DRAM1: variants seen among roughly 807,000 people sequenced by gnomAD.
DRAM1 encodes the protein DNA damage-regulated autophagy modulator protein 1.
Under a neutral mutation model 28.5 loss-of-function variants are expected in DRAM1, and 25 were observed. That is an observed-to-expected ratio of 0.88 (90% CI 0.64 to 1.23). The LOEUF (loss-of-function observed/expected upper bound fraction) is 1.23, where lower values mean the gene tolerates loss of function less well. Among genes scored for constraint, DRAM1 ranks in the 50% most tolerant of loss-of-function variants. The pLI, the probability that DRAM1 is intolerant of heterozygous loss-of-function variation, is 0.00. For synonymous variants in DRAM1, 113 were observed against 114.2 expected (o/e 0.99, Z 0.07); for missense variants, 249 against 299.2 (o/e 0.83, Z 1.24).
At chr12:101,891,821 G>A (rs1387824595) in intron 1 of DRAM1, among the ~76,000 whole-genome samples, 1 of 152,232 alleles carries the variant, frequency 6.6e-6, no homozygotes, top group Non-Finnish European at 1.5e-5. Flanking sequence ...GTGTGGTGCA[G>A]AATGATGTGG....
At chr12:101,900,447 A>C (rs2121096084) in intron 2 of DRAM1, among the ~76,000 whole-genome samples, 1 of 152,360 alleles carries the variant, frequency 6.6e-6, no homozygotes, top group East Asian at 1.9e-4. Context: ...ATAGCAGATA[A>C]TAGACTAATG....
intron 1 of DRAM1, among the ~76,000 whole-genome samples, chr12:101,896,518 C>CTTTCG (rs1229831251): frequency 6.6e-6 from 1 of 152,086 alleles, no homozygotes; most frequent in East Asian, 1.9e-4. Context: ...AATCCCAGCA[C>CTTTCG]TTTCGGAGGT....
At chr12:101,890,752 T>A (rs1489834677) in intron 1 of DRAM1, among the ~76,000 whole-genome samples, 1 of 20,908 alleles carries the variant, frequency 4.8e-5, no homozygotes, top group African/African-American at 1.2e-3. Flanking sequence ...CCATTCTATT[T>A]TTTTTTTTTT....
chr12:101,893,083 A>C (rs140009893), intron 1 of DRAM1, among the ~76,000 whole-genome samples: 1 of 152,236 alleles, frequency 6.6e-6, no homozygotes, highest in African/African-American at 2.4e-5. Context: ...TTACCATGGC[A>C]GTATTTGGCA....
chr12:101,878,992 T>A (rs956738031), intron 1 of DRAM1, among the ~76,000 whole-genome samples: 30 of 131,132 alleles, frequency 2.3e-4, no homozygotes, highest in Middle Eastern at 7.9e-3. Context: ...TAGCATTTTT[T>A]AAAATTTTTT....
intron 1 of DRAM1, among the ~76,000 whole-genome samples, chr12:101,890,812 G>A (rs140817887): frequency 0.036 from 5,348 of 147,530 alleles, 298 homozygotes; most frequent in East Asian, 0.23. Flanking sequence ...GTGCAATGGC[G>A]TGATCTCAGC....
chr12:101,910,302 G>A (rs1208208914), intron 4 of DRAM1, among the ~76,000 whole-genome samples: 1 of 152,082 alleles, frequency 6.6e-6, no homozygotes, highest in Non-Finnish European at 1.5e-5. Context: ...TCTTGTGTTA[G>A]TTGTAAAATT....
chr12:101,901,262 AC>A (rs111348577), intron 2 of DRAM1, 28 bp from the exon 3 acceptor site: 35,353 of 1,600,356 alleles, frequency 0.022, 2,119 homozygotes, highest in African/African-American at 0.21. Flanking sequence ...CAAATTATGA[AC>A]ATTCATCAAA....
At chr12:101,890,867 C>T (rs1006941967) in intron 1 of DRAM1, among the ~76,000 whole-genome samples, 2 of 151,806 alleles carry the variant, frequency 1.3e-5, no homozygotes, top group African/African-American at 2.4e-5. Context: ...TCTCCTGCCT[C>T]AGCCTTCCGA....
intron 5 of DRAM1, among the ~76,000 whole-genome samples, chr12:101,919,606 T>C (rs534581925): frequency 1.3e-5 from 2 of 152,308 alleles, no homozygotes; most frequent in Non-Finnish European, 2.9e-5. Flanking sequence ...AGCAGAACTA[T>C]TTCCTGAATG....
intron 1 of DRAM1, among the ~76,000 whole-genome samples, chr12:101,894,611 C>T (rs1873278012): frequency 6.6e-6 from 1 of 152,106 alleles, no homozygotes; most frequent in African/African-American, 2.4e-5. Context: ...CCTGGAATTC[C>T]AAGTTTTCAG....
At chr12:101,893,496 A>G (rs572239901) in intron 1 of DRAM1, among the ~76,000 whole-genome samples, 1 of 152,202 alleles carries the variant, frequency 6.6e-6, no homozygotes, top group African/African-American at 2.4e-5. Flanking sequence ...TCATTCTCCT[A>G]ATGGCTTAGT....
At chr12:101,905,254 C>T (rs1873759304) in intron 3 of DRAM1, among the ~76,000 whole-genome samples, 2 of 151,976 alleles carry the variant, frequency 1.3e-5, no homozygotes, top group African/African-American at 4.8e-5. Context: ...TGTTAGGAAT[C>T]TTATTTATTT....
intron 5 of DRAM1, among the ~76,000 whole-genome samples, chr12:101,915,853 C>T (rs1229521207): frequency 6.6e-6 from 1 of 152,154 alleles, no homozygotes; most frequent in Non-Finnish European, 1.5e-5. Flanking sequence ...AACCACCACG[C>T]CCAACCTGCA....
At position 101,921,514 on chromosome 12, in the gene DRAM1, A is replaced by T; in HGVS notation, c.*254A>T. The T allele has an allele frequency of 3.2e-6, 1 of 315,504 alleles. No homozygotes were observed. Among genetic ancestry groups the T allele is most frequent in the Non-Finnish European group, 5.7e-6 (1 of 174,496 alleles). The allele number at this position is 315,504 out of a possible 1,614,324, so 19.5% of individuals were successfully genotyped here. ...GATTTTTTTATATTAACAAATTCATATACAGAAAAAATAAGGTGTTACAAA... is the reference window on the plus strand; with the variant it reads ...GATTTTTTTATATTAACAAATTCATTTACAGAAAAAATAAGGTGTTACAAA... On this transcript the variant is annotated 3_prime_UTR_variant, in exon 7 of 7. Transcript: ENST00000258534.
chr12:101,918,200 A>G (rs1000138272), intron 5 of DRAM1, among the ~76,000 whole-genome samples: 3 of 152,224 alleles, frequency 2.0e-5, no homozygotes, highest in South Asian at 4.1e-4. Flanking sequence ...GCACATTTAT[A>G]TGCAGTGACT....
chr12:101,893,261 C>T (rs7963518), intron 1 of DRAM1, among the ~76,000 whole-genome samples: 98,003 of 151,746 alleles, frequency 0.65, 32,956 homozygotes, highest in East Asian at 0.91. Context: ...GACTGTGTGC[C>T]TCTCTTCCAA....
chr12:101,878,748 G>C (rs1369586272), intron 1 of DRAM1, among the ~76,000 whole-genome samples: 1 of 152,166 alleles, frequency 6.6e-6, no homozygotes, highest in Non-Finnish European at 1.5e-5. Flanking sequence ...CCTTATCTAA[G>C]TAGTGTGACC....
chr12:101,915,461 A>T (rs1001074907), intron 5 of DRAM1, among the ~76,000 whole-genome samples: 14 of 152,046 alleles, frequency 9.2e-5, no homozygotes, highest in Admixed American at 9.2e-4. Flanking sequence ...GCAGCCGGGG[A>T]TAACTGTGCA....
Sources: gnomAD v4.1 joint callset for allele counts (sites outside exome capture counted in the v4.1 genomes callset) on GRCh38, gnomAD v4.1.1 for gene constraint, MANE v1.5 for transcripts, NCBI Gene and HGNC (gene_info 2026-07-23, HGNC 2026-07-21) for gene names.